Variants in NT5M observed in about 807,000 individuals in gnomAD.
NT5M encodes the protein 5',3'-nucleotidase, mitochondrial.
Under a neutral mutation model 22.2 loss-of-function variants are expected in NT5M, and 22 were observed. That is an observed-to-expected ratio of 0.99 (90% confidence interval 0.71 to 1.41). NT5M has a LOEUF of 1.41. NT5M is among the 40% of genes most tolerant of loss of function. NT5M has a pLI of 0.00. For synonymous variants in NT5M, 167 were observed against 133.0 expected (o/e 1.26, Z -1.76); for missense variants, 322 against 314.8 (o/e 1.02, Z -0.17).
At chr17:17,328,599 G>A (rs528993132) in intron 3 of NT5M, among the ~76,000 whole-genome samples, 5 of 152,250 alleles carry the variant, frequency 3.3e-5, no homozygotes, top group African/African-American at 1.2e-4. Flanking sequence ...GGTCTCCCAC[G>A]GTAGCCCCGG....
At chr17:17,338,279 G>A (rs1321912709) in intron 3 of NT5M, among the ~76,000 whole-genome samples, 27 of 151,172 alleles carry the variant, frequency 1.8e-4, no homozygotes, top group African/African-American at 5.4e-4. Context: ...TGCAATGTCC[G>A]TCTCCCGGGT....
intron 2 of NT5M, among the ~76,000 whole-genome samples, chr17:17,309,127 CTTT>C (rs35861887): frequency 2.1e-5 from 3 of 140,420 alleles, no homozygotes. Flanking sequence ...TTCTTTCTTT[CTTT>C]TTTTTTTTTT....
intron 4 of NT5M, chr17:17,345,199 A>AACTCTGGTTTCC: frequency 2.5e-6 from 3 of 1,179,608 alleles, no homozygotes; most frequent in Non-Finnish European, 3.2e-6. Flanking sequence ...ATGGGGACTC[A>AACTCTGGTTTCC]ACTCTGGTTT....
At chr17:17,339,173 T>C (rs2049587760) in intron 3 of NT5M, among the ~76,000 whole-genome samples, 1 of 152,232 alleles carries the variant, frequency 6.6e-6, no homozygotes, top group African/African-American at 2.4e-5. Context: ...TCTATCAGTG[T>C]TTTATAGTTT....
At chr17:17,344,654 G>T in intron 3 of NT5M, 140 bp from the exon 4 acceptor site, 1 of 992,134 alleles carries the variant, frequency 1.0e-6, no homozygotes, top group South Asian at 1.6e-5. Flanking sequence ...ACTGCCTGGC[G>T]CTGGGCCTTG....
At position 17,323,246 on chromosome 17, in the gene NT5M, G is replaced by A. The variant is rs146150159; in HGVS notation, c.429+1G>A. ...GTTCAAGTACTGTCCCTATGAGAAG[G>A]TAAGGCGTGCGTCTGCTCAGCTGAG... On this transcript the variant is annotated splice_donor_variant, in intron 3 of 4. Transcript: ENST00000389022. LOFTEE classifies it high-confidence loss of function. 6.2e-6 allele frequency: 10 copies of A among 1,613,296 alleles called. No individual in the cohort carries two copies. Among genetic ancestry groups the A allele is most frequent in the Non-Finnish European group, 8.5e-6 (10 of 1,179,326 alleles).
At chr17:17,329,591 C>G (rs2049334194) in intron 3 of NT5M, among the ~76,000 whole-genome samples, 1 of 152,120 alleles carries the variant, frequency 6.6e-6, no homozygotes, top group African/African-American at 2.4e-5. Flanking sequence ...GGCTTGGGTG[C>G]GAAGGGGAAT....
chr17:17,309,144 GA>G (rs2048872248), intron 2 of NT5M, among the ~76,000 whole-genome samples: 1 of 140,748 alleles, frequency 7.1e-6, no homozygotes, highest in Admixed American at 7.1e-5. Context: ...TTTTTTTTGA[GA>G]CAGGGTCTTG....
At chr17:17,324,150 T>C (rs71371202) in intron 3 of NT5M, among the ~76,000 whole-genome samples, 20,220 of 150,266 alleles carry the variant, frequency 0.13, 1,777 homozygotes, top group Non-Finnish European at 0.19. Flanking sequence ...GCTGGGATTA[T>C]AGGCGTGAGC....
At position 17,303,445 on chromosome 17, in the gene NT5M, G is replaced by A; in HGVS notation, c.-106G>A. 2.0e-6 allele frequency: 2 copies of A among 997,672 alleles called. No individual in the cohort carries two copies. Among genetic ancestry groups the A allele is most frequent in the Non-Finnish European group, 2.4e-6 (2 of 838,660 alleles). 61.8% of individuals were successfully genotyped at this position (997,672 alleles called of 1,614,324 possible). On this transcript the variant is annotated 5_prime_UTR_variant, in exon 1 of 5. Coordinates refer to ENST00000389022, the MANE Select transcript of NT5M (RefSeq NM_020201.4). Reference sequence around the variant, plus strand: ...GCTCCCCGTCCCGCGCTCCACGCGCGCCCCAGCGTTGGGGGCTTCTCCTCC... The same window carrying A: ...GCTCCCCGTCCCGCGCTCCACGCGCACCCCAGCGTTGGGGGCTTCTCCTCC...
At chr17:17,313,005 C>T (rs1336065164) in intron 2 of NT5M, among the ~76,000 whole-genome samples, 1 of 152,088 alleles carries the variant, frequency 6.6e-6, no homozygotes, top group Non-Finnish European at 1.5e-5. Flanking sequence ...GGTGCTGGCT[C>T]ACACCTGTAA....
intron 3 of NT5M, among the ~76,000 whole-genome samples, chr17:17,337,272 C>T (rs1344163900): frequency 6.6e-6 from 1 of 152,046 alleles, no homozygotes; most frequent in South Asian, 2.1e-4. Context: ...GACAGGATCT[C>T]GCTCTGTAGC....
At position 17,347,150 on chromosome 17, in the gene NT5M, C is replaced by CATAG. The variant is rs1442246587; in HGVS notation, c.*205_*208dup. ...GGGCTGGGCCCTCTGGGCGCTTGGA[C>CATAG]ATAGACACGTGGTCCCAGGCCGTTC... is the stretch of plus-strand genomic sequence containing the variant. On this transcript the variant is annotated 3_prime_UTR_variant, in exon 5 of 5. Transcript: ENST00000389022. 3.0e-6 allele frequency: 2 copies of CATAG among 667,454 alleles called. No individual in the cohort carries two copies. The highest frequency in any genetic ancestry group is 5.7e-5 in the East Asian group (2 of 34,978). 41.3% of individuals were successfully genotyped at this position (667,454 alleles called of 1,614,324 possible).
At chr17:17,305,325 C>T (rs1295928251) in intron 1 of NT5M, among the ~76,000 whole-genome samples, 1 of 150,686 alleles carries the variant, frequency 6.6e-6, no homozygotes, top group Admixed American at 6.7e-5. Context: ...CTTCCTGAGG[C>T]ACGGCTTGCT....
intron 3 of NT5M, among the ~76,000 whole-genome samples, chr17:17,338,677 G>GT (rs59650601): frequency 0.029 from 2,127 of 73,196 alleles, 42 homozygotes; most frequent in Non-Finnish European, 0.041. Context: ...AATGTTAAGG[G>GT]TTTTTTTTTT....
chr17:17,318,394 C>T (rs1382990380), intron 2 of NT5M, among the ~76,000 whole-genome samples: 1 of 148,768 alleles, frequency 6.7e-6, no homozygotes, highest in East Asian at 2.0e-4. Context: ...CCAGGAGAAT[C>T]ACTTGAACTG....
At chr17:17,310,140 A>G (rs2145325847) in intron 2 of NT5M, among the ~76,000 whole-genome samples, 1 of 152,256 alleles carries the variant, frequency 6.6e-6, no homozygotes, top group African/African-American at 2.4e-5. Flanking sequence ...TTGTGTTTCT[A>G]AGGACAAAAT....
chr17:17,320,422 C>T (rs2049127296), intron 2 of NT5M, among the ~76,000 whole-genome samples: 1 of 151,672 alleles, frequency 6.6e-6, no homozygotes, highest in Non-Finnish European at 1.5e-5. Context: ...ACCCATAAGA[C>T]CTGGGGATGG....
chr17:17,313,634 G>C (rs1567882721), intron 2 of NT5M, among the ~76,000 whole-genome samples: 1 of 152,360 alleles, frequency 6.6e-6, no homozygotes, highest in East Asian at 1.9e-4. Flanking sequence ...CATCCCAGGG[G>C]CTGCGGGGAC....
Sources: gnomAD v4.1 joint callset for allele counts (sites outside exome capture counted in the v4.1 genomes callset) on GRCh38, gnomAD v4.1.1 for gene constraint, MANE v1.5 for transcripts, NCBI Gene and HGNC (gene_info 2026-07-23, HGNC 2026-07-21) for gene names.